The following DMD variants were observed in gnomAD, a reference collection of about 807,000 sequenced individuals.
The protein encoded by DMD is dystrophin.
DMD carries 63 observed loss-of-function variants against 330.1 expected under a neutral mutation model. The ratio of observed to expected loss-of-function variants is 0.19; its 90% CI spans 0.16 to 0.24. The LOEUF is 0.24. Among genes scored for constraint, DMD ranks in the 10% least tolerant of loss-of-function variants. The pLI is 1.00. For missense variants in DMD, 3,344 were observed against 2,684.1 expected (o/e 1.25, Z -5.43); for synonymous variants, 1,223 against 959.8 (o/e 1.27, Z -5.07).
intron 1 of DMD, among the ~76,000 whole-genome samples, chrX:33,245,384 A>G (rs2052649708): frequency 8.9e-6 from 1 of 112,011 alleles, no homozygotes. Context: ...CTGAATAGTC[A>G]AAACTGATGA....
chrX:32,949,342 G>GA (rs2091054635), intron 2 of DMD, among the ~76,000 whole-genome samples: 22 of 91,542 alleles, frequency 2.4e-4, no homozygotes, highest in Non-Finnish European at 3.6e-4. Context: ...AGGTAGGTAG[G>GA]TAGATAGATA....
chrX:31,913,734 AAAAACAAAACAAAAC>A (rs61632991), intron 47 of DMD, among the ~76,000 whole-genome samples: 4 of 107,757 alleles, frequency 3.7e-5, no homozygotes, highest in Admixed American at 2.0e-4. Flanking sequence ...AAACAAAAAC[AAAAACAAAACAAAAC>A]AAAACAAAAC....
intron 1 of DMD, among the ~76,000 whole-genome samples, chrX:33,104,109 T>C (rs947898863): frequency 4.5e-5 from 5 of 111,771 alleles, no homozygotes; most frequent in African/African-American, 1.6e-4. Context: ...ATAATTACAC[T>C]ATTGATTTAC....
intron 64 of DMD, among the ~76,000 whole-genome samples, chrX:31,214,943 T>TCTTTTC (rs1396565537): frequency 1.4e-5 from 1 of 69,430 alleles, no homozygotes; most frequent in Non-Finnish European, 2.8e-5. Context: ...TTTTCTTTTT[T>TCTTTTC]TTTTTTTTTT....
chrX:33,277,209 C>T (rs1454465726), intron 1 of DMD, among the ~76,000 whole-genome samples: 1 of 110,969 alleles, frequency 9.0e-6, no homozygotes, highest in Non-Finnish European at 1.9e-5. Flanking sequence ...ACATGAAGAC[C>T]AGGTCACCCA....
chrX:31,984,256 A>C (rs2095495459), intron 44 of DMD, among the ~76,000 whole-genome samples: 1 of 112,135 alleles, frequency 8.9e-6, no homozygotes, highest in Non-Finnish European at 1.9e-5. Context: ...AGAATGAGAA[A>C]TATCAACCCA....
intron 43 of DMD, among the ~76,000 whole-genome samples, chrX:32,240,797 C>T (rs1212198962): frequency 9.0e-6 from 1 of 111,476 alleles, no homozygotes; most frequent in Non-Finnish European, 1.9e-5. Flanking sequence ...CACCAGAAAG[C>T]AAACCACTCA....
chrX:31,121,452 G>A lies in DMD; in HGVS notation c.*467C>T, dbSNP rs866332827. 1.8e-4 allele frequency: 28 copies of A among 158,809 alleles called. No individual in the cohort carries two copies. Among genetic ancestry groups the A allele is most frequent in the African/African-American group, 9.4e-4 (26 of 27,632 alleles). 13.1% of individuals were successfully genotyped at this position (158,809 alleles called of 1,213,427 possible). A position where few individuals can be genotyped will look rare whatever the true frequency, so the allele number is the denominator to read the frequency against. Reference sequence around the variant, plus strand: ...TGTGTGTGTGTGTGTATGTGTGTGTGTGTGTGTTTGTTTTGTTTTTAGGGG... The same window carrying A: ...TGTGTGTGTGTGTGTATGTGTGTGTATGTGTGTTTGTTTTGTTTTTAGGGG... On this transcript the variant is annotated 3_prime_UTR_variant, in exon 79 of 79. Transcript: ENST00000357033.
intron 74 of DMD, among the ~76,000 whole-genome samples, chrX:31,163,436 T>C (rs1227103720): frequency 4.5e-5 from 5 of 111,733 alleles, no homozygotes; most frequent in Non-Finnish European, 5.6e-5. Flanking sequence ...CTCTTTTTCT[T>C]TGTAAATTGC....
At chrX:32,242,276 C>G (rs2097211449) in intron 43 of DMD, among the ~76,000 whole-genome samples, 1 of 111,535 alleles carries the variant, frequency 9.0e-6, no homozygotes, top group Non-Finnish European at 1.9e-5. Flanking sequence ...ACTAACCAAT[C>G]AACCAACAAG....
chrX:32,892,388 C>T (rs1040493024), intron 2 of DMD, among the ~76,000 whole-genome samples: 21 of 109,323 alleles, frequency 1.9e-4, no homozygotes, highest in African/African-American at 4.9e-4. Flanking sequence ...TGTTTGTTTT[C>T]GTTTTTTGTT....
chrX:31,505,486 C>T lies in DMD; in HGVS notation c.8390+1795G>A, dbSNP rs748440726. On this transcript the variant is annotated intron_variant, in intron 56 of 78. Coordinates refer to ENST00000357033, the MANE Select transcript of DMD (RefSeq NM_004006.3). ...CATAAAAACAAATCCTTTTCTACTC[C>T]TAGAAAAAATCTACTCTCTATTTCA... Among the ~76,000 whole-genome samples the T allele has an allele frequency of 2.7e-5, 3 of 111,932 alleles. No individual in the cohort carries two copies. In the East Asian group the frequency reaches 8.4e-4, roughly 31 times the overall value.
chrX:31,638,335 C>T (rs1414843123), intron 54 of DMD, among the ~76,000 whole-genome samples: 1 of 111,438 alleles, frequency 9.0e-6, no homozygotes, highest in African/African-American at 3.3e-5. Context: ...TTTTTATCAC[C>T]CATAAGTTTG....
At chrX:33,314,647 G>A (rs140516997) in intron 1 of DMD, among the ~76,000 whole-genome samples, 19,137 of 97,948 alleles carry the variant, frequency 0.2, 1,690 homozygotes, top group Admixed American at 0.25. Flanking sequence ...TCATTCTGGA[G>A]ACTCTAGGGG....
intron 37 of DMD, among the ~76,000 whole-genome samples, chrX:32,351,196 C>G (rs1022273834): frequency 5.4e-5 from 6 of 110,746 alleles, no homozygotes; most frequent in Non-Finnish European, 9.5e-5. Flanking sequence ...CTCTATAAAT[C>G]TTGGGTCTTA....
chrX:33,137,119 G>A (rs758782038), intron 1 of DMD, among the ~76,000 whole-genome samples: 28 of 110,562 alleles, frequency 2.5e-4, no homozygotes, highest in Non-Finnish European at 4.7e-4. Context: ...GAGGGAGATC[G>A]TCCCCTGCTC....
intron 60 of DMD, among the ~76,000 whole-genome samples, chrX:31,366,808 C>T: frequency 9.2e-6 from 1 of 108,607 alleles, no homozygotes; most frequent in East Asian, 2.9e-4. Flanking sequence ...GCATTTTAGT[C>T]TATTTCTGTC....
Position 33,028,140 on chromosome X carries a change from T to C in DMD, c.32-7940A>G, listed in dbSNP as rs183230595. On this transcript the variant is annotated intron_variant, in intron 1 of 78. Transcript: ENST00000357033. ...GTAAATAAGAAGACACATGAGCTGATTATACCTATAATCCACGTGAGAAGT... is the reference window on the plus strand; with the variant it reads ...GTAAATAAGAAGACACATGAGCTGACTATACCTATAATCCACGTGAGAAGT... Among the ~76,000 whole-genome samples, 728 of 111,980 alleles carry C rather than the reference T, an allele frequency of 6.5e-3. 7 individuals carry two copies. The highest frequency in any genetic ancestry group is 0.022 in the African/African-American group (683 of 30,841).
At chrX:32,665,681 C>A (rs1056758927) in intron 9 of DMD, among the ~76,000 whole-genome samples, 1 of 111,506 alleles carries the variant, frequency 9.0e-6, no homozygotes, top group African/African-American at 3.3e-5. Context: ...AAGAACACGT[C>A]CAAGAAGAAA....
Sources: allele counts gnomAD v4.1 joint callset (sites outside exome capture counted in the v4.1 genomes callset), GRCh38; gene constraint gnomAD v4.1.1; transcripts MANE v1.5; gene names NCBI Gene and HGNC (gene_info 2026-07-23, HGNC 2026-07-21).